Variants in FAM53A observed in about 807,000 individuals in gnomAD.
The protein encoded by FAM53A is family with sequence similarity 53 member A.
Under a neutral mutation model 26.6 loss-of-function variants are expected in FAM53A, and 28 were observed. The observed-to-expected ratio is 1.05, with a 90% CI of 0.78 to 1.45. The LOEUF (loss-of-function observed/expected upper bound fraction) is 1.45, where lower values mean the gene tolerates loss of function less well. Ranked by LOEUF, FAM53A falls within the 40% of genes most tolerant of loss-of-function variation. The pLI is 0.00. For synonymous variants in FAM53A, 290 were observed against 253.1 expected (o/e 1.15, Z -1.38); for missense variants, 650 against 575.8 (o/e 1.13, Z -1.32).
At chr4:1,587,065 T>C in the FAM53A span, among the ~76,000 whole-genome samples, 1 of 152,344 alleles carries the variant, frequency 6.6e-6, no homozygotes, top group South Asian at 2.1e-4. Context: ...TTAGGTCCTT[T>C]GCCAATTTTT....
intron 4 of FAM53A, among the ~76,000 whole-genome samples, chr4:1,646,145 G>A (rs1033869790): frequency 4.0e-5 from 6 of 151,874 alleles, no homozygotes; most frequent in African/African-American, 1.5e-4. Flanking sequence ...CTGTCGCCCA[G>A]GTTGGAGTGC....
intron 1 of FAM53A, among the ~76,000 whole-genome samples, chr4:1,680,741 C>A (rs963338433): frequency 1.3e-5 from 2 of 151,910 alleles, no homozygotes; most frequent in Non-Finnish European, 2.9e-5. Flanking sequence ...TTGTATAATT[C>A]CTACCATATG....
intron 1 of FAM53A, among the ~76,000 whole-genome samples, chr4:1,674,690 T>C (rs1474873862): frequency 6.6e-6 from 1 of 151,142 alleles, no homozygotes; most frequent in Non-Finnish European, 1.5e-5. Context: ...AAAATTACAA[T>C]AGCATCTGCA....
chr4:1,599,598 G>A, the FAM53A span, among the ~76,000 whole-genome samples: 5 of 152,144 alleles, frequency 3.3e-5, no homozygotes, highest in African/African-American at 9.7e-5. This position sits in a 1 kb window ranked among gnomAD's most constrained non-coding sequence, Gnocchi z 6.1. Flanking sequence ...CCCTCAGCCC[G>A]GGGGACCAGA....
downstream of FAM53A, among the ~76,000 whole-genome samples, chr4:1,614,190 G>T (rs562892887): frequency 2.0e-5 from 3 of 152,182 alleles, no homozygotes; most frequent in Non-Finnish European, 4.4e-5. Flanking sequence ...CAGGCTGCGC[G>T]CAGCCCATCC....
the FAM53A span, among the ~76,000 whole-genome samples, chr4:1,599,774 C>G: frequency 6.6e-6 from 1 of 152,158 alleles, no homozygotes; most frequent in East Asian, 1.9e-4. The surrounding 1 kb of genome is among the most constrained non-coding windows in gnomAD (Gnocchi z 6.1). Context: ...GCCAGCCACA[C>G]GCATACTCAC....
intron 2 of FAM53A, among the ~76,000 whole-genome samples, chr4:1,666,852 G>C (rs1229966766): frequency 6.6e-6 from 1 of 152,168 alleles, no homozygotes; most frequent in Non-Finnish European, 1.5e-5. Flanking sequence ...AATTTAGGCT[G>C]GGTGTGGTGG....
At chr4:1,671,701 C>T (rs1160554475) in intron 1 of FAM53A, among the ~76,000 whole-genome samples, 1 of 152,276 alleles carries the variant, frequency 6.6e-6, no homozygotes, top group Non-Finnish European at 1.5e-5. Flanking sequence ...CCTCCCTAAT[C>T]CCACCAACCA....
chr4:1,605,621 G>A, the FAM53A span, among the ~76,000 whole-genome samples: 1 of 140,092 alleles, frequency 7.1e-6, no homozygotes, highest in East Asian at 2.6e-4. The surrounding 1 kb of genome is among the most constrained non-coding windows in gnomAD (Gnocchi z 5.7). Context: ...TGTGGACGCG[G>A]CTCCTCGGGG....
chr4:1,662,263 A>G (rs1713887858), intron 2 of FAM53A, among the ~76,000 whole-genome samples: 1 of 151,930 alleles, frequency 6.6e-6, no homozygotes, highest in Non-Finnish European at 1.5e-5. Context: ...GGCGGATCAC[A>G]AAGTCAGGAG....
intron 1 of FAM53A, among the ~76,000 whole-genome samples, chr4:1,671,962 G>A (rs1444144294): frequency 1.3e-5 from 2 of 152,162 alleles, no homozygotes; most frequent in Non-Finnish European, 2.9e-5. Context: ...TACAGGAAGT[G>A]AGGATGGCTC....
At chr4:1,632,128 C>T (rs139104789) in intron 1 of FAM53A, among the ~76,000 whole-genome samples, 71 of 145,470 alleles carry the variant, frequency 4.9e-4, no homozygotes, top group African/African-American at 1.8e-3. Context: ...TACTCCACTG[C>T]ACTCCAGCCT....
rs994901570 is a variant in FAM53A at position 1,659,811 on chromosome 4, G to A, written c.76-2343C>T. On this transcript the variant is annotated intron_variant, in intron 2 of 4. Transcript: ENST00000308132. The surrounding 1 kb of genome is among the most constrained non-coding windows in gnomAD (Gnocchi z 5.2). ...CTTCCGGTTGTATCTATGCATGGTC[G>A]AAGGGGCTGGCTTCCTCTCTGATGC... Among the ~76,000 whole-genome samples the A allele has an allele frequency of 1.3e-5, 2 of 152,204 alleles. No homozygotes were observed. Among genetic ancestry groups the A allele is most frequent in the African/African-American group, 2.4e-5 (1 of 41,450 alleles).
the FAM53A span, among the ~76,000 whole-genome samples, chr4:1,607,877 T>C: frequency 6.6e-6 from 1 of 151,050 alleles, no homozygotes; most frequent in African/African-American, 2.4e-5. Context: ...GAGGCAGAGG[T>C]TGCAGTGAGC....
chr4:1,648,941 C>T (rs1712485009), intron 4 of FAM53A, among the ~76,000 whole-genome samples: 1 of 152,154 alleles, frequency 6.6e-6, no homozygotes, highest in South Asian at 2.1e-4. Context: ...GGTGAAACCC[C>T]ATCTCTACTA....
chr4:1,657,030 C>CA (rs1354007141), intron 3 of FAM53A, among the ~76,000 whole-genome samples: 4 of 152,210 alleles, frequency 2.6e-5, no homozygotes, highest in Non-Finnish European at 5.9e-5. Context: ...GTGGGCCGCC[C>CA]AGTATGCCAT....
At position 1,655,149 on chromosome 4, in the gene FAM53A, G is replaced by A; in HGVS notation, c.711C>T (p.Pro237=). The part of the protein sequence containing the change: ...ERLAGAGTPL[P]WASSSPTSTP... ...TGGACGTGGGGCTGCTGCTGGCCCAGGGCAGGGGAGTGCCCGCACCCGCGA... is the reference window on the plus strand; with the variant it reads ...TGGACGTGGGGCTGCTGCTGGCCCAAGGCAGGGGAGTGCCCGCACCCGCGA... Residue 237 remains proline (P), a synonymous_variant, in exon 4 of 5, where the codon CCC becomes CCT. Transcript: ENST00000308132. The A allele has an allele frequency of 6.3e-7, 1 of 1,583,884 alleles. No individual in the cohort carries two copies.
chr4:1,594,895 A>G, the FAM53A span, among the ~76,000 whole-genome samples: 3 of 152,238 alleles, frequency 2.0e-5, no homozygotes, highest in African/African-American at 7.2e-5. Context: ...CATTGCCTTC[A>G]TAATATACAT....
At chr4:1,604,845 G>A in the FAM53A span, among the ~76,000 whole-genome samples, 15 of 152,052 alleles carry the variant, frequency 9.9e-5, no homozygotes, top group South Asian at 8.3e-4. Context: ...ACCCTGCGGC[G>A]GCTCCCCCAG....
Sources: gnomAD v4.1 joint callset for allele counts (sites outside exome capture counted in the v4.1 genomes callset) on GRCh38, gnomAD v4.1.1 for gene constraint, Gnocchi (gnomAD v3.1) non-coding constraint, MANE v1.5 for transcripts, NCBI Gene and HGNC (gene_info 2026-07-23, HGNC 2026-07-21) for gene names.